The following IGHMBP2 variants were observed in gnomAD, a reference collection of about 807,000 sequenced individuals.
IGHMBP2 encodes immunoglobulin mu DNA binding protein 2, also known as DNA-binding protein SMUBP-2.
Under a neutral mutation model 96.0 loss-of-function variants are expected in IGHMBP2, and 81 were observed. The ratio of observed to expected loss-of-function variants is 0.84; its 90% CI spans 0.71 to 1.01. The LOEUF is 1.01. Ranked by LOEUF, IGHMBP2 falls within the 50% of genes least tolerant of loss-of-function variation. The pLI is 0.00. For missense variants in IGHMBP2, 1,227 were observed against 1,306.3 expected (o/e 0.94, Z 0.94); for synonymous variants, 557 against 548.9 (o/e 1.01, Z -0.21).
At chr11:68,914,309 G>T (rs1339680502) in intron 5 of IGHMBP2, among the ~76,000 whole-genome samples, 2 of 151,414 alleles carry the variant, frequency 1.3e-5, no homozygotes, top group Non-Finnish European at 2.9e-5. Context: ...AAAAAAGAAA[G>T]AAAGAAAAAT....
chr11:68,925,036 T>G (rs1859012133), intron 7 of IGHMBP2, among the ~76,000 whole-genome samples: 1 of 152,176 alleles, frequency 6.6e-6, no homozygotes, highest in African/African-American at 2.4e-5. Context: ...ATTCTTCTTC[T>G]TTTAATATGG....
intron 14 of IGHMBP2, among the ~76,000 whole-genome samples, chr11:68,939,261 T>C (rs745988815): frequency 2.0e-5 from 3 of 151,940 alleles, no homozygotes; most frequent in Non-Finnish European, 2.9e-5. Context: ...AGGCGGAGGC[T>C]GGGAGGCAGT....
In IGHMBP2 at chr11:68,933,827, CG is replaced by C; in HGVS notation, c.1454del (p.Gly485ValfsTer91). ...DLPGVAATEE[T>X]GVPLLLVDTA... ...CCAGGTGTGGCTGCCACAGAAGAGA[CG>C]GGTGTGCCCCTGCTCTTGGTGGACA... is the stretch of plus-strand genomic sequence containing the variant. On this transcript the variant is annotated frameshift_variant, in exon 10 of 15. Transcript: ENST00000255078. LOFTEE classifies it high-confidence loss of function. 2 of 1,612,468 alleles carry C rather than the reference CG, an allele frequency of 1.2e-6. No homozygotes were observed.
In IGHMBP2 at chr11:68,914,889, C is replaced by T; in HGVS notation, c.778C>T (p.Gln260Ter). The stretch of plus-strand genomic sequence containing the variant: ...GGTGGAGCGCCTGGCTCTGTGTAAG[C>T]AGCGGATTCTGCGCCTGGGACACCC... ...NLVERLALCKQRILRLGHPAR... is the reference protein window; with the variant it reads ...NLVERLALCK The change falls in exon 6 of 15, where the codon CAG becomes TAG. Residue 260 changes from glutamine to a stop codon, truncating the protein, a stop_gained. Coordinates refer to ENST00000255078, the MANE Select transcript of IGHMBP2 (RefSeq NM_002180.3). LOFTEE classifies it high-confidence loss of function. The T allele has an allele frequency of 1.2e-6, 2 of 1,614,236 alleles. No individual in the cohort carries two copies. Among genetic ancestry groups the T allele is most frequent in the South Asian group, 2.2e-5 (2 of 91,086 alleles).
At chr11:68,909,196 G>GGGGGGGT (rs1566425650) in intron 4 of IGHMBP2, among the ~76,000 whole-genome samples, 1 of 105,142 alleles carries the variant, frequency 9.5e-6, no homozygotes, top group Admixed American at 1.1e-4. Flanking sequence ...GGAGGGGGGG[G>GGGGGGGT]GCGGATGGAG....
chr11:68,914,768 A>G, intron 5 of IGHMBP2, 55 bp from the exon 6 acceptor site: 2 of 1,583,700 alleles, frequency 1.3e-6, no homozygotes, highest in African/African-American at 2.7e-5. Flanking sequence ...TTTAGTGTCA[A>G]CTTCAGTGGT....
chr11:68,927,542 G>A lies in IGHMBP2; in HGVS notation c.1061-1641G>A, dbSNP rs546758966. ...TCTTTCCTGAGCCCTGTACATGTGT[G>A]TGGCCTTCTAGATTCCCAGGAATAT... is the stretch of plus-strand genomic sequence containing the variant. On this transcript the variant is annotated intron_variant, in intron 7 of 14. Transcript: ENST00000255078. Among the ~76,000 whole-genome samples the A allele has an allele frequency of 1.6e-3, 237 of 152,348 alleles. 1 individual carries two copies. The highest frequency in any genetic ancestry group is 5.0e-3 in the African/African-American group (207 of 41,594).
At chr11:68,930,779 C>A (rs533453307) in intron 8 of IGHMBP2, among the ~76,000 whole-genome samples, 1 of 152,110 alleles carries the variant, frequency 6.6e-6, no homozygotes, top group African/African-American at 2.4e-5. Flanking sequence ...GGTCATCCGT[C>A]GAGTGTTCAG....
chr11:68,938,273 G>C lies in IGHMBP2; in HGVS notation c.2703G>C (p.Lys901Asn). Residue 901 changes from lysine to asparagine, a missense_variant, in exon 14 of 15, where the codon AAG becomes AAC. This residue lies in a region of IGHMBP2 where 703 missense variants were observed against 770.3 expected (regional missense o/e 0.91). Coordinates refer to ENST00000255078, the MANE Select transcript of IGHMBP2 (RefSeq NM_002180.3). ...VKADNTCGFA[K>N]CTAGVTTLGQ... ...CTGATAACACCTGCGGCTTTGCCAAGTGCACAGCCGGCGTCACAACCCTGG... is the reference window on the plus strand; with the variant it reads ...CTGATAACACCTGCGGCTTTGCCAACTGCACAGCCGGCGTCACAACCCTGG... 6.2e-7 allele frequency: 1 copy of C among 1,613,830 alleles called. No homozygotes were observed. The highest frequency in any genetic ancestry group is 8.5e-7 in the Non-Finnish European group (1 of 1,180,004).
intron 2 of IGHMBP2, 50 bp downstream of exon 2, chr11:68,906,288 C>T (rs777016529): frequency 7.0e-6 from 11 of 1,579,166 alleles, no homozygotes; most frequent in African/African-American, 2.7e-5. Context: ...GGCATTCAGA[C>T]CGTGACTTGT....
Position 68,904,803 on chromosome 11 carries a change from CTTT to C in IGHMBP2, c.86+777_86+779del. ...GTGTAAGTTTCTTTTTTTTCTTTTT[CTTT>C]TTTTTTTTTTTAGACAGAGTCTCTC... On this transcript the variant is annotated intron_variant, in intron 1 of 14. Transcript: ENST00000255078. Among the ~76,000 whole-genome samples, 3 of 120,986 alleles carry C rather than the reference CTTT, an allele frequency of 2.5e-5. 1 individual carries two copies. The South Asian group carries it at 8.1e-4, about 33-fold the overall frequency. 79.4% of individuals were successfully genotyped at this position (120,986 alleles called of 152,430 possible). A position where few individuals can be genotyped will look rare whatever the true frequency, so the allele number is the denominator to read the frequency against.
chr11:68,918,514 C>T (rs1858757239), intron 7 of IGHMBP2, among the ~76,000 whole-genome samples: 2 of 151,990 alleles, frequency 1.3e-5, no homozygotes, highest in Non-Finnish European at 2.9e-5. Flanking sequence ...TTGTGGTATG[C>T]ACCTGTAATT....
In IGHMBP2 at chr11:68,906,144, C is replaced by T. The variant is rs747822666; in HGVS notation, c.162C>T (p.Ser54=). The T allele has an allele frequency of 4.3e-6, 7 of 1,614,060 alleles. No homozygotes were observed. In the African/African-American group the frequency reaches 9.3e-5, roughly 22 times the overall value. The stretch of plus-strand genomic sequence containing the variant: ...GTTTGCTGAAGCTGCAGGTATCCAG[C>T]CAGCGCACTGGGCTGTACGGACGGC... ...GVCLLKLQVS[S]QRTGLYGRLL... is the part of the protein sequence containing the mutation. Residue 54 remains serine (S), a synonymous_variant, in exon 2 of 15, where the codon AGC becomes AGT. Coordinates refer to ENST00000255078, the MANE Select transcript of IGHMBP2 (RefSeq NM_002180.3).
At chr11:68,938,573 C>T (rs1428447270) in intron 14 of IGHMBP2, among the ~76,000 whole-genome samples, 11 of 152,230 alleles carry the variant, frequency 7.2e-5, no homozygotes, top group South Asian at 4.1e-4. Flanking sequence ...GCTGCAGCCA[C>T]GTTAGTGGGA....
chr11:68,908,532 A>G lies in IGHMBP2; in HGVS notation c.450-2A>G. 1 of 1,612,706 alleles carries G rather than the reference A, an allele frequency of 6.2e-7. No homozygotes were observed. ...TCTAATTTTAGTTTTCTCCCTTGGC[A>G]GAGCCCTGATTGCTCTAAAGAAGTA... On this transcript the variant is annotated splice_acceptor_variant, in intron 3 of 14. Coordinates refer to ENST00000255078, the MANE Select transcript of IGHMBP2 (RefSeq NM_002180.3). LOFTEE classifies it high-confidence loss of function.
intron 4 of IGHMBP2, among the ~76,000 whole-genome samples, chr11:68,909,462 G>A (rs1451594873): frequency 5.9e-5 from 9 of 152,024 alleles, no homozygotes; most frequent in Non-Finnish European, 1.0e-4. Context: ...TTACAGGCAT[G>A]AGCTACCGTG....
chr11:68,905,603 G>C (rs1314674696), intron 1 of IGHMBP2, among the ~76,000 whole-genome samples: 4 of 152,212 alleles, frequency 2.6e-5, no homozygotes, highest in Non-Finnish European at 5.9e-5. Flanking sequence ...GGGTTAAGCA[G>C]GTGAGGGAGG....
chr11:68,906,302 C>T (rs762518487), intron 2 of IGHMBP2, 64 bp downstream of exon 2: 2 of 1,517,110 alleles, frequency 1.3e-6, no homozygotes, highest in South Asian at 2.3e-5. Flanking sequence ...GACTTGTACC[C>T]TCGTAAAGAC....
chr11:68,920,464 TCTTTATGTTTA>T (rs1858837803), intron 7 of IGHMBP2, among the ~76,000 whole-genome samples: 1 of 152,250 alleles, frequency 6.6e-6, no homozygotes, highest in South Asian at 2.1e-4. Flanking sequence ...CCTATTTGTG[TCTTTATGTTTA>T]AAGTGATCTT....
Sources: allele counts gnomAD v4.1 joint callset (sites outside exome capture counted in the v4.1 genomes callset), GRCh38; gene constraint gnomAD v4.1.1; regional missense constraint gnomAD v4.1.1; transcripts MANE v1.5; gene names NCBI Gene and HGNC (gene_info 2026-07-23, HGNC 2026-07-21).